The following SGK3 variants were observed in gnomAD, a reference collection of about 807,000 sequenced individuals.
SGK3 encodes serine/threonine-protein kinase Sgk3.
A neutral mutation model predicts 68.5 loss-of-function variants in SGK3; 47 were observed. The observed-to-expected ratio is 0.69, with a 90% CI of 0.54 to 0.87. The LOEUF (loss-of-function observed/expected upper bound fraction) is 0.87. SGK3 is among the 40% of genes least tolerant of loss of function. The probability of loss-of-function intolerance (pLI) is 0.00; values close to 1 mark genes in which losing one functional copy is unlikely to be tolerated. For missense variants in SGK3, 479 were observed against 575.5 expected, an observed-to-expected ratio of 0.83 and a Z score of 1.72; for synonymous variants, 181 against 189.1, an observed-to-expected ratio of 0.96 and a Z score of 0.35.
intron 15 of SGK3, among the ~76,000 whole-genome samples, chr8:66,849,502 G>T (rs1333961298): frequency 6.6e-6 from 1 of 151,742 alleles, no homozygotes; most frequent in Non-Finnish European, 1.5e-5. Context: ...GTCATCTTTA[G>T]TCTGGTTACA....
chr8:66,834,827 C>T (rs2130706397), intron 8 of SGK3, among the ~76,000 whole-genome samples: 1 of 151,682 alleles, frequency 6.6e-6, no homozygotes, highest in South Asian at 2.1e-4. Flanking sequence ...GTAGTCCCAG[C>T]TACTCGGGAG....
intron 6 of SGK3, among the ~76,000 whole-genome samples, chr8:66,826,405 TA>T (rs1389147201): frequency 6.6e-6 from 1 of 150,670 alleles, no homozygotes; most frequent in Non-Finnish European, 1.5e-5. Flanking sequence ...AACACTGAAA[TA>T]TTTTTTTCTT....
chr8:66,730,126 TTTTC>T (rs1238355285), intron 1 of SGK3, among the ~76,000 whole-genome samples: 7 of 152,156 alleles, frequency 4.6e-5, no homozygotes, highest in East Asian at 1.9e-4. Flanking sequence ...TCACCAACAC[TTTTC>T]TTTCTTTCTA....
Position 66,847,438 on chromosome 8 carries a change from G to GAATGC in SGK3, c.1230+93_1230+94insGCAAT, listed in dbSNP as rs1585808887. Reference sequence around the variant, plus strand: ...TATTTTATATGGTATTTAATGGAATGAATACAATATGCGGAGAATAGCAAC... The same window carrying GAATGC: ...TATTTTATATGGTATTTAATGGAATGAATGCAATACAATATGCGGAGAATAGCAAC... On this transcript the variant is annotated intron_variant, in intron 15 of 16. Coordinates refer to ENST00000521198, the MANE Select transcript of SGK3 (RefSeq NM_001033578.3). 14 of 1,526,358 alleles carry GAATGC rather than the reference G, an allele frequency of 9.2e-6. No homozygotes were observed. The East Asian group carries it at 3.3e-4, about 36-fold the overall frequency. The allele number at this position is 1,526,358 out of a possible 1,614,324, so 94.6% of individuals were successfully genotyped here. A position where few individuals can be genotyped will look rare whatever the true frequency, so the allele number is the denominator to read the frequency against.
At chr8:66,794,680 C>T (rs1267993003) in intron 2 of SGK3, among the ~76,000 whole-genome samples, 1 of 152,164 alleles carries the variant, frequency 6.6e-6, no homozygotes, top group African/African-American at 2.4e-5. Flanking sequence ...TACTTGAACA[C>T]GCATCCTCCT....
chr8:66,717,014 G>A (rs1408744978), intron 1 of SGK3, among the ~76,000 whole-genome samples: 8 of 151,606 alleles, frequency 5.3e-5, no homozygotes, highest in Admixed American at 2.6e-4. Context: ...TGGCCAACAC[G>A]GCGAAACCCT....
At chr8:66,789,547 A>T (rs1255189826) in intron 1 of SGK3, among the ~76,000 whole-genome samples, 1 of 152,186 alleles carries the variant, frequency 6.6e-6, no homozygotes, top group African/African-American at 2.4e-5. Context: ...GTCCTATTGG[A>T]CCCACTGTGA....
At chr8:66,842,307 G>A (rs1477547654) in intron 13 of SGK3, among the ~76,000 whole-genome samples, 1 of 148,104 alleles carries the variant, frequency 6.8e-6, no homozygotes, top group African/African-American at 2.5e-5. Context: ...TGCAAGCTCC[G>A]CCTCCCAGGT....
intron 1 of SGK3, among the ~76,000 whole-genome samples, chr8:66,740,629 G>A (rs931582589): frequency 3.3e-5 from 5 of 152,254 alleles, no homozygotes; most frequent in South Asian, 2.1e-4. Context: ...GGCTGAGGCC[G>A]GGCACAGTGG....
chr8:66,787,168 TC>T (rs1807243500), intron 1 of SGK3, among the ~76,000 whole-genome samples: 1 of 152,012 alleles, frequency 6.6e-6, no homozygotes, highest in African/African-American at 2.4e-5. Context: ...GGTCTTGAAC[TC>T]CTGACCTCAT....
chr8:66,724,706 G>A (rs914809843), intron 1 of SGK3, among the ~76,000 whole-genome samples: 14 of 152,254 alleles, frequency 9.2e-5, no homozygotes, highest in South Asian at 2.1e-4. Flanking sequence ...CCTGTGAGAT[G>A]CAGAACATTG....
At chr8:66,789,346 G>T (rs889816246) in intron 1 of SGK3, among the ~76,000 whole-genome samples, 5 of 152,166 alleles carry the variant, frequency 3.3e-5, no homozygotes, top group African/African-American at 1.2e-4. Context: ...CATGGAAGTG[G>T]TATAGTTTTT....
intron 5 of SGK3, among the ~76,000 whole-genome samples, chr8:66,819,772 A>C (rs932855316): frequency 1.3e-5 from 2 of 151,818 alleles, no homozygotes; most frequent in African/African-American, 4.8e-5. Context: ...TAAAGCATAC[A>C]ATTCAGTAGT....
At chr8:66,732,643 A>G (rs1805195269) in intron 1 of SGK3, among the ~76,000 whole-genome samples, 1 of 152,102 alleles carries the variant, frequency 6.6e-6, no homozygotes, top group Non-Finnish European at 1.5e-5. Context: ...TCAGGAGTTC[A>G]AGACCAGCCT....
intron 1 of SGK3, among the ~76,000 whole-genome samples, chr8:66,741,445 G>T (rs1396644972): frequency 6.6e-6 from 1 of 151,872 alleles, no homozygotes; most frequent in African/African-American, 2.4e-5. Context: ...TACTCGGGAG[G>T]CCTCTGAGGC....
At chr8:66,781,011 G>C (rs959082301) in intron 1 of SGK3, among the ~76,000 whole-genome samples, 3 of 152,070 alleles carry the variant, frequency 2.0e-5, no homozygotes, top group African/African-American at 7.2e-5. Flanking sequence ...TCTGAATTCT[G>C]CCAACCTCTT....
intron 1 of SGK3, among the ~76,000 whole-genome samples, chr8:66,755,204 A>G (rs548616162): frequency 6.7e-6 from 1 of 149,974 alleles, no homozygotes; most frequent in African/African-American, 2.5e-5. Context: ...GGTTGCAGTG[A>G]GCCGAGATCA....
chr8:66,722,144 G>C (rs777989803), intron 1 of SGK3, among the ~76,000 whole-genome samples: 107 of 152,332 alleles, frequency 7.0e-4, no homozygotes, highest in African/African-American at 2.5e-3. Context: ...CAGCTCGCCT[G>C]TAAAGGTGCG....
At chr8:66,818,355 C>G (rs933935740) in intron 5 of SGK3, among the ~76,000 whole-genome samples, 1 of 152,122 alleles carries the variant, frequency 6.6e-6, no homozygotes, top group African/African-American at 2.4e-5. Flanking sequence ...GTCAGAGAAA[C>G]TAAACATTTC....
Sources: gnomAD v4.1 joint callset for allele counts (sites outside exome capture counted in the v4.1 genomes callset) on GRCh38, gnomAD v4.1.1 for gene constraint, MANE v1.5 for transcripts, NCBI Gene and HGNC (gene_info 2026-07-23, HGNC 2026-07-21) for gene names.